Variants in COL4A3 observed in about 807,000 individuals in gnomAD.
The protein encoded by COL4A3 is collagen type IV alpha 3 chain.
Under a neutral mutation model 217.4 loss-of-function variants are expected in COL4A3, and 135 were observed. The observed-to-expected ratio is 0.62, with a 90% CI of 0.54 to 0.72. COL4A3 has a LOEUF of 0.72. COL4A3 is among the 30% of genes least tolerant of loss of function. The pLI, the probability that COL4A3 is intolerant of heterozygous loss-of-function variation, is 0.00. For synonymous variants in COL4A3, 690 were observed against 736.3 expected, an observed-to-expected ratio of 0.94 and a Z score of 1.02; for missense variants, 1,868 against 2,119.9, an observed-to-expected ratio of 0.88 and a Z score of 2.33.
chr2:227,189,339 A>G (rs988373495), intron 1 of COL4A3, among the ~76,000 whole-genome samples: 1 of 152,198 alleles, frequency 6.6e-6, no homozygotes, highest in African/African-American at 2.4e-5. Flanking sequence ...GGAGGTGGGT[A>G]GAACACAGAG....
chr2:227,238,502 G>A (rs1225117030), intron 2 of COL4A3, among the ~76,000 whole-genome samples: 5 of 152,114 alleles, frequency 3.3e-5, no homozygotes, highest in Admixed American at 3.3e-4. Context: ...ACTTAGCAGA[G>A]GGAAGTAGCT....
rs1315075759 is a variant in COL4A3, at chr2:227,191,011, TCTA to T, written c.87+26199_87+26201del. Among the ~76,000 whole-genome samples, 2 of 152,208 alleles carry T rather than the reference TCTA, an allele frequency of 1.3e-5. No individual in the cohort carries two copies. The highest frequency in any genetic ancestry group is 2.9e-5 in the Non-Finnish European group (2 of 68,036). On this transcript the variant is annotated intron_variant, in intron 1 of 51. Coordinates refer to ENST00000396578, the MANE Select transcript of COL4A3 (RefSeq NM_000091.5). The surrounding 1 kb of genome is among the most constrained non-coding windows in gnomAD (Gnocchi z 6.8). ...GTTTTTAGCATCTTCTTCTAGCACT[TCTA>T]TTATGTATAGAATTTTTTAAAAAAT...
chr2:227,280,351 A>G (rs1273938144), intron 29 of COL4A3, 89 bp from the exon 30 acceptor site: 1 of 1,460,228 alleles, frequency 6.8e-7, no homozygotes, highest in African/African-American at 1.4e-5. Context: ...TGGCTGTGCA[A>G]CAGGGACTTA....
At chr2:227,273,188 T>G in intron 26 of COL4A3, 71 bp downstream of exon 26, 2 of 1,508,692 alleles carry the variant, frequency 1.3e-6, no homozygotes, top group South Asian at 1.1e-5. Context: ...TAACGAAGCT[T>G]CTCCAAGACT....
At chr2:227,188,073 G>T (rs761847561) in intron 1 of COL4A3, among the ~76,000 whole-genome samples, 1 of 149,262 alleles carries the variant, frequency 6.7e-6, no homozygotes, top group Non-Finnish European at 1.5e-5. Flanking sequence ...CAACATCCCC[G>T]AACTACTCCT....
intron 1 of COL4A3, among the ~76,000 whole-genome samples, chr2:227,202,803 ATATGTGTATATATACATATATGTGTATC>A (rs2066762846): frequency 1.9e-5 from 2 of 106,640 alleles, no homozygotes; most frequent in Non-Finnish European, 4.3e-5. Context: ...TATATATATA[ATATGTGTATATATACATATATGTGTATC>A]TATGTGTATA....
At chr2:227,197,785 A>G (rs1271703181) in intron 1 of COL4A3, among the ~76,000 whole-genome samples, 1 of 152,214 alleles carries the variant, frequency 6.6e-6, no homozygotes, top group Non-Finnish European at 1.5e-5. Context: ...GTTCTGTGCC[A>G]GGCATGGTGG....
intron 1 of COL4A3, among the ~76,000 whole-genome samples, chr2:227,179,196 C>T (rs1393358466): frequency 2.0e-5 from 3 of 152,090 alleles, no homozygotes; most frequent in African/African-American, 4.8e-5. Context: ...AGTGATAGGC[C>T]GGCCTCAGCC....
Position 227,312,543 on chromosome 2 carries a change from T to C in COL4A3, c.*673T>C, listed in dbSNP as rs1471984097. The C allele has an allele frequency of 6.6e-6, 1 of 152,278 alleles. No individual in the cohort carries two copies. Among genetic ancestry groups the C allele is most frequent in the Admixed American group, 6.5e-5 (1 of 15,282 alleles). 9.4% of individuals were successfully genotyped at this position (152,278 alleles called of 1,614,324 possible). A position where few individuals can be genotyped will look rare whatever the true frequency, so the allele number is the denominator to read the frequency against. On this transcript the variant is annotated 3_prime_UTR_variant, in exon 52 of 52. Transcript: ENST00000396578. ...GTTTTGTTTTGTTGGTTTTTAAAGA[T>C]TTTTGTTTGTTTATTGAATTCATTT...
At chr2:227,225,548 G>T (rs2068040118) in intron 1 of COL4A3, among the ~76,000 whole-genome samples, 3 of 152,148 alleles carry the variant, frequency 2.0e-5, no homozygotes, top group Non-Finnish European at 4.4e-5. Context: ...CAACAAGAGA[G>T]AGTGGAGGTG....
At chr2:227,285,238 C>T (rs1009550946) in intron 34 of COL4A3, among the ~76,000 whole-genome samples, 1 of 120,270 alleles carries the variant, frequency 8.3e-6, no homozygotes, top group African/African-American at 3.2e-5. Flanking sequence ...ATGCATGGCA[C>T]ATGAGGATGT....
chr2:227,289,350 T>A, intron 35 of COL4A3, 102 bp downstream of exon 35: 1 of 978,152 alleles, frequency 1.0e-6, no homozygotes, highest in Non-Finnish European at 1.6e-6. Flanking sequence ...ATATCAATTC[T>A]GTTCTGATAG....
intron 1 of COL4A3, among the ~76,000 whole-genome samples, chr2:227,185,816 A>G (rs187587927): frequency 6.6e-6 from 1 of 152,310 alleles, no homozygotes; most frequent in East Asian, 1.9e-4. Flanking sequence ...CTGGCTCAAT[A>G]AGTCTATGGT....
chr2:227,204,432 C>A (rs551094647), intron 1 of COL4A3, among the ~76,000 whole-genome samples: 2 of 151,906 alleles, frequency 1.3e-5, no homozygotes, highest in Non-Finnish European at 2.9e-5. Context: ...CACACTTATC[C>A]TTTACTATAG....
chr2:227,166,408 G>C (rs2065280815), intron 1 of COL4A3, among the ~76,000 whole-genome samples: 1 of 152,218 alleles, frequency 6.6e-6, no homozygotes. Context: ...CTGGAGAAGA[G>C]ATCCAGAGCA....
At chr2:227,296,579 T>G in intron 41 of COL4A3, 1 of 756,020 alleles carries the variant, frequency 1.3e-6, no homozygotes. Context: ...AGAAATCATA[T>G]TGCAGAGCAT....
intron 1 of COL4A3, among the ~76,000 whole-genome samples, chr2:227,177,236 G>T (rs1258394176): frequency 2.8e-5 from 4 of 145,280 alleles, no homozygotes; most frequent in Admixed American, 1.4e-4. Context: ...TGCAAGCTCC[G>T]CCTCCCAGGT....
intron 37 of COL4A3, 93 bp from the exon 38 acceptor site, chr2:227,293,098 T>C: frequency 6.5e-7 from 1 of 1,532,116 alleles, no homozygotes; most frequent in Non-Finnish European, 9.0e-7. Flanking sequence ...AATTGATGAA[T>C]GAATGAAAAA....
At chr2:227,182,539 A>G (rs892696129) in intron 1 of COL4A3, among the ~76,000 whole-genome samples, 5 of 152,184 alleles carry the variant, frequency 3.3e-5, no homozygotes. Context: ...ATTTTTTTCT[A>G]GGTTTCTTAA....
Sources: gnomAD v4.1 joint callset for allele counts (sites outside exome capture counted in the v4.1 genomes callset) on GRCh38, gnomAD v4.1.1 for gene constraint, Gnocchi (gnomAD v3.1) non-coding constraint, MANE v1.5 for transcripts, NCBI Gene and HGNC (gene_info 2026-07-23, HGNC 2026-07-21) for gene names.